The following PLCG2 variants were observed in gnomAD, a reference collection of about 807,000 sequenced individuals.
PLCG2 encodes phospholipase C gamma 2.
PLCG2 carries 69 observed loss-of-function variants against 175.6 expected under a neutral mutation model. The ratio of observed to expected loss-of-function variants is 0.39; its 90% CI spans 0.32 to 0.48. The LOEUF is 0.48. PLCG2 is among the 20% of genes least tolerant of loss of function. The probability of loss-of-function intolerance (pLI) is 0.91; values close to 1 mark genes in which losing one functional copy is unlikely to be tolerated. For missense variants in PLCG2, 1,798 were observed against 1,650.9 expected (o/e 1.09, Z -1.54); for synonymous variants, 827 against 624.0 (o/e 1.33, Z -4.85).
chr16:81,961,113 C>G lies in PLCG2; in HGVS notation c.*3115C>G. Reference sequence around the variant, plus strand: ...CTGGTGGTTCCAAATTTTTTGCTTTCAACAAAGTGGGAGGAACAGCCTGTA... The same window carrying G: ...CTGGTGGTTCCAAATTTTTTGCTTTGAACAAAGTGGGAGGAACAGCCTGTA... On this transcript the variant is annotated 3_prime_UTR_variant, in exon 33 of 33. Transcript: ENST00000564138. The G allele has an allele frequency of 4.3e-6, 1 of 231,288 alleles. No homozygotes were observed. The highest frequency in any genetic ancestry group is 6.1e-5 in the East Asian group (1 of 16,262). 14.3% of individuals were successfully genotyped at this position (231,288 alleles called of 1,614,324 possible).
At chr16:81,908,637 A>C in intron 17 of PLCG2, 46 bp downstream of exon 17, 1 of 1,523,796 alleles carries the variant, frequency 6.6e-7, no homozygotes. Context: ...CTCCATGCCA[A>C]CCGATGAGGC....
chr16:81,763,918 G>T (rs1209619081), intron 2 of PLCG2, among the ~76,000 whole-genome samples: 1 of 152,044 alleles, frequency 6.6e-6, no homozygotes, highest in Non-Finnish European at 1.5e-5. Flanking sequence ...AGTGAGCCAA[G>T]ATTTTGCCAC....
intron 30 of PLCG2, among the ~76,000 whole-genome samples, chr16:81,940,347 T>G (rs1280641587): frequency 6.6e-6 from 1 of 152,150 alleles, no homozygotes; most frequent in Non-Finnish European, 1.5e-5. Context: ...TTTTGAAATA[T>G]TACATGCGGT....
At chr16:81,850,044 C>G (rs1238785673) in intron 2 of PLCG2, among the ~76,000 whole-genome samples, 2 of 152,084 alleles carry the variant, frequency 1.3e-5, no homozygotes, top group African/African-American at 2.4e-5. Context: ...TTTAAAAAGT[C>G]AAAGGCACAA....
At chr16:81,910,461 G>A (rs1909569927) in intron 17 of PLCG2, 59 bp from the exon 18 acceptor site, 2 of 1,488,446 alleles carry the variant, frequency 1.3e-6, no homozygotes, top group African/African-American at 1.4e-5. Flanking sequence ...CTGAGGCCCT[G>A]GCTGCCGCAA....
At chr16:81,909,934 A>G (rs1236935394) in intron 17 of PLCG2, among the ~76,000 whole-genome samples, 1 of 134,634 alleles carries the variant, frequency 7.4e-6, no homozygotes, top group Non-Finnish European at 1.5e-5. Context: ...CTTGGTTCAT[A>G]TGTGGCAGAG....
chr16:81,778,041 AAC>A (rs1910506079), upstream of PLCG2, among the ~76,000 whole-genome samples: 4 of 80,612 alleles, frequency 5.0e-5, no homozygotes, highest in African/African-American at 1.1e-4. Flanking sequence ...ACAAAAAAAA[AAC>A]AAAAAAAAAA....
At chr16:81,951,048 T>C (rs1371594974) in intron 31 of PLCG2, among the ~76,000 whole-genome samples, 5 of 152,218 alleles carry the variant, frequency 3.3e-5, no homozygotes. Context: ...AATACAGTGG[T>C]GTGATCATGG....
At chr16:81,762,242 T>C (rs889631051) in intron 2 of PLCG2, among the ~76,000 whole-genome samples, 2 of 152,184 alleles carry the variant, frequency 1.3e-5, no homozygotes, top group African/African-American at 4.8e-5. Context: ...TGCATACATA[T>C]GTTGCTATTA....
chr16:81,891,379 G>A (rs1908623493), intron 10 of PLCG2, 93 bp from the exon 11 acceptor site: 4 of 780,262 alleles, frequency 5.1e-6, no homozygotes, highest in Non-Finnish European at 7.0e-6. Context: ...CATCAGAGCT[G>A]TTCTTCCCCC....
intron 2 of PLCG2, among the ~76,000 whole-genome samples, chr16:81,832,341 A>C (rs1415999627): frequency 1.3e-5 from 2 of 152,328 alleles, no homozygotes; most frequent in East Asian, 3.8e-4. Context: ...AGGTTAAGTG[A>C]ATATTCCCTA....
chr16:81,926,948 T>C (rs1238074572), intron 22 of PLCG2, 134 bp from the exon 23 acceptor site: 4 of 676,858 alleles, frequency 5.9e-6, no homozygotes, highest in Non-Finnish European at 1.1e-5. Flanking sequence ...TTGTCACAGA[T>C]AGTGACACTG....
At chr16:81,832,328 A>G (rs1190604529) in intron 2 of PLCG2, among the ~76,000 whole-genome samples, 3 of 152,218 alleles carry the variant, frequency 2.0e-5, no homozygotes, top group African/African-American at 4.8e-5. Context: ...GATTAAGCAA[A>G]AGAGGTTAAG....
Position 81,884,268 on chromosome 16 carries a change from T to C in PLCG2, c.765+927T>C, listed in dbSNP as rs1908241638. On this transcript the variant is annotated intron_variant, in intron 9 of 32. Coordinates refer to ENST00000564138, the MANE Select transcript of PLCG2 (RefSeq NM_002661.5). The stretch of plus-strand genomic sequence containing the variant: ...TGGGAGGCTGAGGCAGGAGAATGGC[T>C]TGAACCTGGGAGGTAGAGGTTGCAG... 4.6e-5 allele frequency among the ~76,000 whole-genome samples: 7 copies of C among 152,048 alleles called. No homozygotes were observed. The South Asian group carries it at 1.4e-3, about 31-fold the overall frequency.
rs758138167 is a variant in PLCG2 at position 81,910,569 on chromosome 16, G to A, written c.1783G>A (p.Gly595Arg). ...HCRIRSTMEG[G>R]TLKYYLTDNL... ...CCGGATCCGCTCCACCATGGAGGGC[G>A]GGACCCTGAAATACTACTTGACTGA... Residue 595 changes from glycine (G) to arginine (R), a missense_variant, in exon 18 of 33, where the codon GGG becomes AGG. Physicochemically the swap from Gly to Arg is moderately radical, Grantham distance 125. Coordinates refer to ENST00000564138, the MANE Select transcript of PLCG2 (RefSeq NM_002661.5). 1.6e-5 allele frequency: 26 copies of A among 1,614,142 alleles called. No homozygotes were observed. Among genetic ancestry groups the A allele is most frequent in the South Asian group, 8.8e-5 (8 of 91,092 alleles).
chr16:81,786,021 C>A lies in PLCG2; in HGVS notation c.32C>A (p.Ala11Glu), dbSNP rs753458249. The change falls in exon 2 of 33, where the codon GCG becomes GAG. Residue 11 changes from alanine (A) to glutamate (E), a missense_variant. By Grantham distance (107) the Ala-to-Glu change is moderately radical (BLOSUM62 -1). Transcript: ENST00000564138. MSTTVNVDSL[A>E]EYEKSQIKRA... Reference sequence around the variant, plus strand: ...ACCACGGTCAATGTAGATTCCCTTGCGGAATATGAGAAGAGCCAGATCAAG... The same window carrying A: ...ACCACGGTCAATGTAGATTCCCTTGAGGAATATGAGAAGAGCCAGATCAAG... 11 of 1,614,014 alleles carry A rather than the reference C, an allele frequency of 6.8e-6. No individual in the cohort carries two copies. Among genetic ancestry groups the A allele is most frequent in the Middle Eastern group, 1.6e-4 (1 of 6,084 alleles).
intron 19 of PLCG2, among the ~76,000 whole-genome samples, chr16:81,916,294 AAAG>A (rs1465525842): frequency 2.2e-5 from 2 of 92,856 alleles, no homozygotes; most frequent in African/African-American, 9.3e-5. Flanking sequence ...TTTTTTAAAA[AAAG>A]AAAAAAAACA....
chr16:81,768,595 C>T (rs1412494523), intron 2 of PLCG2, among the ~76,000 whole-genome samples: 3 of 110,468 alleles, frequency 2.7e-5, no homozygotes, highest in South Asian at 3.0e-4. Context: ...GATGGAGTTT[C>T]GCTCTTGTTG....
chr16:81,810,580 T>C (rs1044079753), intron 2 of PLCG2, among the ~76,000 whole-genome samples: 9 of 152,130 alleles, frequency 5.9e-5, no homozygotes, highest in African/African-American at 1.7e-4. Context: ...TGTTTTAGCT[T>C]TCTTTTTGCA....
Sources: gnomAD v4.1 joint callset for allele counts (sites outside exome capture counted in the v4.1 genomes callset) on GRCh38, gnomAD v4.1.1 for gene constraint, MANE v1.5 for transcripts, NCBI Gene and HGNC (gene_info 2026-07-23, HGNC 2026-07-21) for gene names.